ZNF93: variants seen among roughly 807,000 people sequenced by gnomAD.
The protein encoded by ZNF93 is zinc finger protein 505.
In ZNF93, 29 loss-of-function variants were observed where a neutral mutation model predicts 45.0. That is an observed-to-expected ratio of 0.64 (90% CI 0.48 to 0.88). The LOEUF (loss-of-function observed/expected upper bound fraction) is 0.88, where lower values mean the gene tolerates loss of function less well. Ranked by LOEUF, ZNF93 falls within the 40% of genes least tolerant of loss-of-function variation. The probability of loss-of-function intolerance (pLI) is 0.00; values close to 1 mark genes in which losing one functional copy is unlikely to be tolerated. For synonymous variants in ZNF93, 223 were observed against 244.6 expected (o/e 0.91, Z 0.82); for missense variants, 578 against 724.0 (o/e 0.80, Z 2.31).
chr19:19,923,321 G>A (rs565998897), intron 3 of ZNF93, among the ~76,000 whole-genome samples: 12 of 152,114 alleles, frequency 7.9e-5, no homozygotes, highest in East Asian at 5.8e-4. Flanking sequence ...AGGGGTACCC[G>A]GCCGTGTGAG....
chr19:19,901,340 C>CT (rs1374771455), intron 1 of ZNF93, among the ~76,000 whole-genome samples: 1 of 152,188 alleles, frequency 6.6e-6, no homozygotes, highest in Non-Finnish European at 1.5e-5. Flanking sequence ...TGGGCAGCTG[C>CT]GCACCCGCAG....
In ZNF93 at chr19:19,904,015, C is replaced by T. The variant is rs1012945021; in HGVS notation, c.3+2924C>T. Among the ~76,000 whole-genome samples, 3 of 147,684 alleles carry T rather than the reference C, an allele frequency of 2.0e-5. No homozygotes were observed. The Middle Eastern group carries it at 0.011, about 524-fold the overall frequency. ...CAGAGGTTGCAGTGAACCGAGATTG[C>T]GCCGCTGCACTCCAGCCTGGGCAAC... On this transcript the variant is annotated intron_variant, in intron 1 of 3. Coordinates refer to ENST00000343769, the MANE Select transcript of ZNF93 (RefSeq NM_031218.4).
At position 19,904,770 on chromosome 19, in the gene ZNF93, C is replaced by A. The variant is rs533952565; in HGVS notation, c.3+3679C>A. ...CACGCTGCCCATTGTCCTGAAATTCCAGGTCTTCTCCCAGGGTGAGAGATG... is the reference window on the plus strand; with the variant it reads ...CACGCTGCCCATTGTCCTGAAATTCAAGGTCTTCTCCCAGGGTGAGAGATG... On this transcript the variant is annotated intron_variant, in intron 1 of 3. Coordinates refer to ENST00000343769, the MANE Select transcript of ZNF93 (RefSeq NM_031218.4). 6.6e-5 allele frequency among the ~76,000 whole-genome samples: 10 copies of A among 152,242 alleles called. No homozygotes were observed. The South Asian group carries it at 2.1e-3, about 32-fold the overall frequency.
chr19:19,933,260 G>T lies in ZNF93; in HGVS notation c.305G>T (p.Arg102Ile). The change falls in exon 4 of 4, where the codon AGA (arginine) becomes ATA (isoleucine). Residue 102 changes from arginine (R) to isoleucine (I), a missense_variant. Arg to Ile is a moderately conservative substitution (Grantham distance 97). Around this residue, in one of 3 missense-constraint regions of ZNF93, gnomAD observed 446 missense variants for 547.6 expected, o/e 0.81. Transcript: ENST00000343769. Reference protein sequence around the residue: ...KDSFQKVILRRYEKRGHGNLQ... With the variant: ...KDSFQKVILRIYEKRGHGNLQ... ...TCTTTCCAAAAAGTGATACTGAGAAGATATGAAAAACGTGGACATGGAAAT... is the reference window on the plus strand; with the variant it reads ...TCTTTCCAAAAAGTGATACTGAGAATATATGAAAAACGTGGACATGGAAAT... 1.2e-6 allele frequency: 2 copies of T among 1,611,440 alleles called. No individual in the cohort carries two copies. Among genetic ancestry groups the T allele is most frequent in the Non-Finnish European group, 1.7e-6 (2 of 1,178,696 alleles).
chr19:19,919,444 T>A (rs1221616268), intron 3 of ZNF93, among the ~76,000 whole-genome samples: 2 of 150,124 alleles, frequency 1.3e-5, no homozygotes, highest in African/African-American at 5.0e-5. Flanking sequence ...GGGCTCTTTT[T>A]TGGTTCCATA....
Position 19,934,872 on chromosome 19 carries a change from C to T in ZNF93, c.*54C>T. 6.6e-7 allele frequency: 1 copy of T among 1,525,618 alleles called. No homozygotes were observed. The highest frequency in any genetic ancestry group is 8.8e-7 in the Non-Finnish European group (1 of 1,131,026). The allele number at this position is 1,525,618 out of a possible 1,614,324, so 94.5% of individuals were successfully genotyped here. On this transcript the variant is annotated 3_prime_UTR_variant, in exon 4 of 4. Transcript: ENST00000343769. ...AGTGGTCCTCACACCTTACTATACA[C>T]TGAGAGTTCTGAACTTACTCTGTAA...
intron 2 of ZNF93, among the ~76,000 whole-genome samples, chr19:19,915,900 C>A (rs140399884): frequency 0.013 from 1,933 of 152,206 alleles, 18 homozygotes; most frequent in Non-Finnish European, 0.02. Flanking sequence ...TTCCACATTC[C>A]TGAGTTGAGC....
Position 19,933,438 on chromosome 19 carries a change from T to C in ZNF93, c.483T>C (p.Asn161=). 1.9e-6 allele frequency: 3 copies of C among 1,594,466 alleles called. No homozygotes were observed. Among genetic ancestry groups the C allele is most frequent in the Non-Finnish European group, 2.6e-6 (3 of 1,174,406 alleles). The change falls in exon 4 of 4, where the codon AAT becomes AAC. Residue 161 remains asparagine, a synonymous_variant. Transcript: ENST00000343769. ...TCTTTCATAAATTTTCAAATTCAAA[T>C]AGACATAATATAAGACATACTGAAA... ...GKVFHKFSNS[N]RHNIRHTEKK... is the part of the protein sequence containing the mutation.
At chr19:19,914,208 G>C (rs1002798446) in intron 1 of ZNF93, among the ~76,000 whole-genome samples, 3 of 151,608 alleles carry the variant, frequency 2.0e-5, no homozygotes, top group African/African-American at 7.2e-5. Context: ...TAAAGTAAAA[G>C]CCTCCACTCG....
chr19:19,933,404 A>G lies in ZNF93; in HGVS notation c.449A>G (p.Tyr150Cys). Residue 150 changes from tyrosine (Y) to cysteine (C), a missense_variant, in exon 4 of 4, where the codon TAT (tyrosine) becomes TGT (cysteine). By Grantham distance (194) the Tyr-to-Cys change is radical (BLOSUM62 -2). Transcript: ENST00000343769. ...AGCAAAGTATTTCAATGTGATAAATATGGGAAAGTCTTTCATAAATTTTCA... is the reference window on the plus strand; with the variant it reads ...AGCAAAGTATTTCAATGTGATAAATGTGGGAAAGTCTTTCATAAATTTTCA... Reference protein sequence around the residue: ...TQSKVFQCDKYGKVFHKFSNS... With the variant: ...TQSKVFQCDKCGKVFHKFSNS... The G allele has an allele frequency of 6.3e-7, 1 of 1,598,046 alleles. No individual in the cohort carries two copies. The highest frequency in any genetic ancestry group is 8.5e-7 in the Non-Finnish European group (1 of 1,174,752).
At chr19:19,917,235 A>G (rs2063326920) in intron 3 of ZNF93, among the ~76,000 whole-genome samples, 1 of 151,936 alleles carries the variant, frequency 6.6e-6, no homozygotes, top group Non-Finnish European at 1.5e-5. Context: ...TTAGAATTGT[A>G]TTTTCCATTA....
intron 3 of ZNF93, among the ~76,000 whole-genome samples, chr19:19,917,917 TTTCC>T (rs10588675): frequency 0.43 from 64,150 of 150,706 alleles, 18,193 homozygotes; most frequent in African/African-American, 0.8. Context: ...AGTGACTTTC[TTTCC>T]TTCCTTCCTT....
At chr19:19,920,802 AT>A (rs2063340775) in intron 3 of ZNF93, among the ~76,000 whole-genome samples, 1 of 152,078 alleles carries the variant, frequency 6.6e-6, no homozygotes, top group African/African-American at 2.4e-5. Flanking sequence ...CCCCTTTATC[AT>A]TTTTTATTGC....
In ZNF93 at chr19:19,917,911, ACTTT is replaced by A. The variant is rs527967267; in HGVS notation, c.226+1262_226+1265del. ...TACTTATTTTTCTTCAATTTCAGTG[ACTTT>A]CTTTCCTTCCTTCCTTCCTTCCTTC... On this transcript the variant is annotated intron_variant, in intron 3 of 3. Coordinates refer to ENST00000343769, the MANE Select transcript of ZNF93 (RefSeq NM_031218.4). Among the ~76,000 whole-genome samples the A allele has an allele frequency of 2.7e-4, 36 of 131,920 alleles. No individual in the cohort carries two copies. In the South Asian group the frequency reaches 7.4e-3, roughly 27 times the overall value. 86.5% of individuals were successfully genotyped at this position (131,920 alleles called of 152,430 possible).
chr19:19,915,140 G>A (rs1346871389), intron 1 of ZNF93, 140 bp from the exon 2 acceptor site: 36 of 1,473,490 alleles, frequency 2.4e-5, no homozygotes, highest in Non-Finnish European at 3.3e-5. Flanking sequence ...ATATTTCTGT[G>A]TTGAAGATTA....
Position 19,934,779 on chromosome 19 carries a change from T to C in ZNF93, c.1824T>C (p.Leu608=). The part of the protein sequence containing the change: ...CGKAFISPSS[L]SRHEIIHTGE... ...AAGCCTTTATTTCACCCTCAAGCCT[T>C]AGTAGACATGAGATAATTCATACTG... The change falls in exon 4 of 4, where the codon CTT becomes CTC. Residue 608 remains leucine, a synonymous_variant. Transcript: ENST00000343769. The C allele has an allele frequency of 6.2e-7, 1 of 1,603,292 alleles. No homozygotes were observed. The highest frequency in any genetic ancestry group is 1.1e-5 in the South Asian group (1 of 89,404).
chr19:19,901,787 C>T (rs561920959), intron 1 of ZNF93, among the ~76,000 whole-genome samples: 1 of 152,124 alleles, frequency 6.6e-6, no homozygotes, highest in Non-Finnish European at 1.5e-5. Context: ...ACCGGAACTG[C>T]GTTAGGGTTA....
At chr19:19,920,651 G>A (rs1182743664) in intron 3 of ZNF93, among the ~76,000 whole-genome samples, 1 of 152,050 alleles carries the variant, frequency 6.6e-6, no homozygotes, top group Admixed American at 6.6e-5. Flanking sequence ...AGAGATTCAA[G>A]TTCTTCCTGG....
intron 3 of ZNF93, among the ~76,000 whole-genome samples, chr19:19,930,980 C>T (rs2063372369): frequency 6.6e-6 from 1 of 151,640 alleles, no homozygotes; most frequent in South Asian, 2.1e-4. Flanking sequence ...ATTATGACCA[C>T]CTTACTCAAT....
Sources: allele counts gnomAD v4.1 joint callset (sites outside exome capture counted in the v4.1 genomes callset), GRCh38; gene constraint gnomAD v4.1.1; regional missense constraint gnomAD v4.1.1; transcripts MANE v1.5; gene names NCBI Gene and HGNC (gene_info 2026-07-23, HGNC 2026-07-21).